The following ZNF469 variants were observed in gnomAD, a reference collection of about 807,000 sequenced individuals.
ZNF469 encodes the protein zinc finger protein 469.
Under a neutral mutation model 1.0 loss-of-function variants are expected in ZNF469, and 1 was observed. The ratio of observed to expected loss-of-function variants is 1.00; its 90% CI spans 0.35 to 4.73. The LOEUF is 4.73. Among genes scored for constraint, ZNF469 ranks in the 30% most tolerant of loss-of-function variants. The pLI, the probability that ZNF469 is intolerant of heterozygous loss-of-function variation, is 0.16. For missense variants in ZNF469, 6,100 were observed against 5,356.3 expected, an observed-to-expected ratio of 1.14 and a Z score of -4.33; for synonymous variants, 2,703 against 2,363.4, an observed-to-expected ratio of 1.14 and a Z score of -4.17.
chr16:88,340,026 G>A, the ZNF469 span, among the ~76,000 whole-genome samples: 1 of 152,052 alleles, frequency 6.6e-6, no homozygotes. Flanking sequence ...GGGGACAGGT[G>A]CAATATTTTT....
chr16:88,136,200 C>A, the ZNF469 span, among the ~76,000 whole-genome samples: 1 of 152,202 alleles, frequency 6.6e-6, no homozygotes, highest in Non-Finnish European at 1.5e-5. Flanking sequence ...AGTCAGGTTC[C>A]TCTGCGTGGG....
the ZNF469 span, among the ~76,000 whole-genome samples, chr16:88,127,970 G>A: frequency 1.3e-5 from 2 of 152,204 alleles, no homozygotes; most frequent in Admixed American, 6.5e-5. Flanking sequence ...ACACAGGCAC[G>A]AGGCTTGCCT....
the ZNF469 span, among the ~76,000 whole-genome samples, chr16:88,334,767 G>A: frequency 1.3e-5 from 2 of 152,216 alleles, no homozygotes; most frequent in African/African-American, 4.8e-5. Flanking sequence ...CCTGAGATGG[G>A]AAGATGCCGA....
chr16:88,247,407 AGT>A, the ZNF469 span, among the ~76,000 whole-genome samples: 313 of 150,844 alleles, frequency 2.1e-3, 1 homozygote, highest in South Asian at 5.9e-3. Context: ...TAAATAAGTG[AGT>A]GAGTGAATAA....
the ZNF469 span, among the ~76,000 whole-genome samples, chr16:88,345,614 C>T: frequency 6.6e-6 from 1 of 152,146 alleles, no homozygotes; most frequent in Admixed American, 6.5e-5. Context: ...GCTGTCCCCT[C>T]TGCCCGTGGG....
At chr16:88,191,476 G>C in the ZNF469 span, 4 of 152,246 alleles carry the variant, frequency 2.6e-5, no homozygotes, top group Non-Finnish European at 5.9e-5. Context: ...TTGACACGAT[G>C]AGCTCGGAAA....
intron 1 of ZNF469, among the ~76,000 whole-genome samples, chr16:88,387,740 G>A (rs562819294): frequency 4.6e-5 from 7 of 152,304 alleles, no homozygotes; most frequent in South Asian, 2.1e-4. Flanking sequence ...TGTGGGGAAC[G>A]CTGGGTGCTC....
At chr16:88,152,095 G>A in the ZNF469 span, among the ~76,000 whole-genome samples, 1 of 152,238 alleles carries the variant, frequency 6.6e-6, no homozygotes, top group Non-Finnish European at 1.5e-5. This position sits in a 1 kb window ranked among gnomAD's most constrained non-coding sequence, Gnocchi z 4.2. Flanking sequence ...CTTTGGAGAA[G>A]ATGGCCTGGA....
upstream of ZNF469, among the ~76,000 whole-genome samples, chr16:88,378,848 G>A (rs1020054010): frequency 1.3e-5 from 2 of 152,194 alleles, no homozygotes; most frequent in African/African-American, 2.4e-5. Context: ...GTGTTTAAAC[G>A]TCCCACATGC....
rs1369472624 is a variant in ZNF469, at chr16:88,424,931, C to G, written c.-127+60C>G. On this transcript the variant is annotated intron_variant, in intron 2 of 2. Transcript: ENST00000565624. The surrounding 1 kb of genome is among the most constrained non-coding windows in gnomAD (Gnocchi z 4.3). ...CACAGATGCTCTGGTCTTGATGGTC[C>G]TGAGGCCCCCTCCGCCCCCACCCGC... Among the ~76,000 whole-genome samples the G allele has an allele frequency of 6.6e-6, 1 of 152,176 alleles. No homozygotes were observed. Among genetic ancestry groups the G allele is most frequent in the Non-Finnish European group, 1.5e-5 (1 of 68,032 alleles).
At chr16:88,328,805 C>T in the ZNF469 span, among the ~76,000 whole-genome samples, 1 of 152,206 alleles carries the variant, frequency 6.6e-6, no homozygotes, top group African/African-American at 2.4e-5. Flanking sequence ...GAGCACCACA[C>T]AGGAACCAGA....
chr16:88,224,725 CTGTG>C, the ZNF469 span, among the ~76,000 whole-genome samples: 6 of 152,142 alleles, frequency 3.9e-5, no homozygotes, highest in African/African-American at 1.4e-4. Context: ...ATGTGTGTCT[CTGTG>C]TAAGTACGTA....
At chr16:88,415,046 G>A (rs937890842) in intron 1 of ZNF469, among the ~76,000 whole-genome samples, 7 of 152,330 alleles carry the variant, frequency 4.6e-5, no homozygotes, top group East Asian at 1.9e-4. Flanking sequence ...CAGAGACTCC[G>A]GTCCCGGGTG....
At chr16:88,190,467 A>G in the ZNF469 span, among the ~76,000 whole-genome samples, 2 of 152,272 alleles carry the variant, frequency 1.3e-5, no homozygotes, top group Admixed American at 6.5e-5. Context: ...GTTTGTGTTC[A>G]GGAGGTGGAG....
At chr16:88,292,249 C>G in the ZNF469 span, among the ~76,000 whole-genome samples, 1 of 152,124 alleles carries the variant, frequency 6.6e-6, no homozygotes. Flanking sequence ...GGGGCCTTGA[C>G]CAGACAGCAG....
chr16:88,265,252 G>A, the ZNF469 span, among the ~76,000 whole-genome samples: 15 of 152,326 alleles, frequency 9.8e-5, no homozygotes, highest in East Asian at 7.7e-4. Flanking sequence ...TCACCCGGTC[G>A]GCTCTCACTG....
the ZNF469 span, among the ~76,000 whole-genome samples, chr16:88,297,829 G>T: frequency 1.3e-5 from 2 of 152,138 alleles, no homozygotes; most frequent in Admixed American, 6.5e-5. Flanking sequence ...ACGTTTGCAG[G>T]GTCCAAGGAT....
At chr16:88,304,306 A>G in the ZNF469 span, among the ~76,000 whole-genome samples, 1 of 152,156 alleles carries the variant, frequency 6.6e-6, no homozygotes, top group Admixed American at 6.5e-5. Flanking sequence ...GAATGCACAC[A>G]CGTCCCCATC....
In ZNF469 at chr16:88,433,642, C is replaced by T. The variant is rs1252476778; in HGVS notation, c.6172C>T (p.Pro2058Ser). The part of the protein sequence containing the change: ...LQEEAEPTPS[P>S]PSPNRESLAL... ...GGAGGAGGCCGAGCCCACCCCAAGC[C>T]CCCCGTCCCCTAATAGGGAGTCCCT... Residue 2058 changes from proline to serine, a missense_variant, in exon 3 of 3, where the codon CCC (proline) becomes TCC (serine). Coordinates refer to ENST00000565624, the MANE Select transcript of ZNF469 (RefSeq NM_001367624.2). The T allele has an allele frequency of 1.3e-6, 2 of 1,550,228 alleles. No homozygotes were observed. Among genetic ancestry groups the T allele is most frequent in the Non-Finnish European group, 8.7e-7 (1 of 1,146,904 alleles).
Sources: gnomAD v4.1 joint callset for allele counts (sites outside exome capture counted in the v4.1 genomes callset) on GRCh38, gnomAD v4.1.1 for gene constraint, Gnocchi (gnomAD v3.1) non-coding constraint, MANE v1.5 for transcripts, NCBI Gene and HGNC (gene_info 2026-07-23, HGNC 2026-07-21) for gene names.